The following RNMT variants were observed in gnomAD, a reference collection of about 807,000 sequenced individuals.
The protein encoded by RNMT is RNA guanine-7 methyltransferase.
A neutral mutation model predicts 56.0 loss-of-function variants in RNMT; 27 were observed. The ratio of observed to expected loss-of-function variants is 0.48; its 90% confidence interval spans 0.36 to 0.67. RNMT has a LOEUF of 0.67. Among genes scored for constraint, RNMT ranks in the 30% least tolerant of loss-of-function variants. RNMT has a pLI of 0.00. For missense variants in RNMT, 519 were observed against 552.1 expected (o/e 0.94, Z 0.60); for synonymous variants, 184 against 176.2 (o/e 1.04, Z -0.35).
intron 4 of RNMT, among the ~76,000 whole-genome samples, chr18:13,736,229 T>A (rs1015326474): frequency 6.6e-6 from 1 of 152,232 alleles, no homozygotes; most frequent in African/African-American, 2.4e-5. Flanking sequence ...AGGATATTTT[T>A]AGCCATCAAA....
intron 8 of RNMT, among the ~76,000 whole-genome samples, chr18:13,745,301 G>GGA (rs1376031577): frequency 3.3e-5 from 5 of 152,164 alleles, no homozygotes; most frequent in African/African-American, 1.2e-4. Context: ...ATTCATTGAG[G>GGA]GAGAGTAAGA....
intron 1 of RNMT, among the ~76,000 whole-genome samples, chr18:13,728,327 TTTTTGTGTGTGTGTGTG>T (rs2044005174): frequency 1.5e-4 from 1 of 6,752 alleles, no homozygotes; most frequent in East Asian, 5.2e-3. Context: ...TTTTTTTTTT[TTTTTGTGTGTGTGTGTG>T]TGTGTGTGTG....
chr18:13,742,543 A>C lies in RNMT; in HGVS notation c.1030A>C (p.Lys344Gln). Residue 344 changes from lysine (K) to glutamine (Q), a missense_variant, in exon 8 of 12, where the codon AAA becomes CAA. Transcript: ENST00000383314. ...ATTTGGAAATGAAATATATACTGTG[A>C]AATTTCAGAAGAAAGGAGATTATCC... is the stretch of plus-strand genomic sequence containing the variant. Reference protein sequence around the residue: ...ESFGNEIYTVKFQKKGDYPLF... With the variant: ...ESFGNEIYTVQFQKKGDYPLF... 1 of 1,613,632 alleles carries C rather than the reference A, an allele frequency of 6.2e-7. No homozygotes were observed. Among genetic ancestry groups the C allele is most frequent in the African/African-American group, 1.3e-5 (1 of 75,030 alleles).
At chr18:13,741,392 C>A in intron 6 of RNMT, 118 bp from the exon 7 acceptor site, 1 of 631,746 alleles carries the variant, frequency 1.6e-6, no homozygotes, top group Non-Finnish European at 2.7e-6. Context: ...CTTTATTGTA[C>A]AAGGGAAAGA....
At chr18:13,742,812 CA>C in intron 8 of RNMT, 160 bp downstream of exon 8, 1 of 547,424 alleles carries the variant, frequency 1.8e-6, no homozygotes, top group Non-Finnish European at 3.1e-6. Flanking sequence ...AAAAACAAAA[CA>C]AGACTAGCTT....
At chr18:13,728,374 C>T (rs943813816) in intron 1 of RNMT, among the ~76,000 whole-genome samples, 6 of 120,508 alleles carry the variant, frequency 5.0e-5, no homozygotes, top group Non-Finnish European at 6.3e-5. Flanking sequence ...CTTGCTCTGT[C>T]GCCCAGGCCG....
In RNMT at chr18:13,763,954, A is replaced by G. The variant is rs1240866509; in HGVS notation, c.*3975A>G. 1 of 152,314 alleles carries G rather than the reference A, an allele frequency of 6.6e-6. No homozygotes were observed. Among genetic ancestry groups the G allele is most frequent in the Non-Finnish European group, 1.5e-5 (1 of 68,108 alleles). The allele number at this position is 152,314 out of a possible 1,614,324, so 9.4% of individuals were successfully genotyped here. Reference sequence around the variant, plus strand: ...TTGAAAGAGGGGGTTAGAGAGAGCAAGACAGCACTTGAGTGCACTGGCAGG... The same window carrying G: ...TTGAAAGAGGGGGTTAGAGAGAGCAGGACAGCACTTGAGTGCACTGGCAGG... On this transcript the variant is annotated 3_prime_UTR_variant, in exon 12 of 12. Coordinates refer to ENST00000383314, the MANE Select transcript of RNMT (RefSeq NM_003799.3).
rs2044254307 is a variant in RNMT at position 13,741,692 on chromosome 18, G to A, written c.974+1G>A. On this transcript the variant is annotated splice_donor_variant, in intron 7 of 11. Coordinates refer to ENST00000383314, the MANE Select transcript of RNMT (RefSeq NM_003799.3). LOFTEE classifies it high-confidence loss of function. ...CTACTCCCAATAGCTTTGAATTGAT[G>A]TAAGTACTTCTAAATATATTGTGGT... The A allele has an allele frequency of 6.3e-7, 1 of 1,587,782 alleles. No homozygotes were observed.
intron 11 of RNMT, among the ~76,000 whole-genome samples, chr18:13,756,158 T>C (rs895478147): frequency 6.6e-6 from 1 of 152,218 alleles, no homozygotes; most frequent in South Asian, 2.1e-4. Context: ...CTCTAGAAGA[T>C]GGCTTTAAAT....
Position 13,730,662 on chromosome 18 carries a change from G to A in RNMT, c.-136G>A, listed in dbSNP as rs1281010562. On this transcript the variant is annotated 5_prime_UTR_variant, in exon 2 of 12. Coordinates refer to ENST00000383314, the MANE Select transcript of RNMT (RefSeq NM_003799.3). ...CCTATTGGGTACTGTACAACTTCAA[G>A]CCTCGAAATCAGATAGGCACCACCA... 6.6e-6 allele frequency: 1 copy of A among 152,176 alleles called. No homozygotes were observed. Among genetic ancestry groups the A allele is most frequent in the African/African-American group, 2.4e-5 (1 of 41,434 alleles). The allele number at this position is 152,176 out of a possible 1,614,324, so 9.4% of individuals were successfully genotyped here.
intron 1 of RNMT, among the ~76,000 whole-genome samples, chr18:13,727,859 G>A (rs2043988974): frequency 6.6e-6 from 1 of 152,134 alleles, no homozygotes; most frequent in South Asian, 2.1e-4. Flanking sequence ...GTCTTCATGT[G>A]CCTGGCTTAT....
intron 1 of RNMT, among the ~76,000 whole-genome samples, chr18:13,729,862 C>T (rs905037598): frequency 3.3e-5 from 5 of 151,372 alleles, no homozygotes; most frequent in East Asian, 1.9e-4. Context: ...TACAGTGGCA[C>T]AATCATGGCT....
intron 1 of RNMT, among the ~76,000 whole-genome samples, chr18:13,728,415 A>G (rs1454474823): frequency 2.1e-5 from 3 of 143,258 alleles, no homozygotes; most frequent in African/African-American, 7.9e-5. Flanking sequence ...AGCTCACTGC[A>G]ACCTCCACCT....
chr18:13,752,600 T>C (rs1326866882), intron 10 of RNMT, among the ~76,000 whole-genome samples, 173 bp downstream of exon 10: 1 of 152,220 alleles, frequency 6.6e-6, no homozygotes, highest in African/African-American at 2.4e-5. Flanking sequence ...TGGAATAAAA[T>C]TTATTTCAAT....
intron 3 of RNMT, among the ~76,000 whole-genome samples, chr18:13,733,896 C>G (rs1222974835): frequency 6.6e-6 from 1 of 152,066 alleles, no homozygotes. Context: ...AAATTTTAAA[C>G]CTAGAGATGT....
chr18:13,749,044 A>G (rs959817294), intron 9 of RNMT, among the ~76,000 whole-genome samples: 3 of 152,150 alleles, frequency 2.0e-5, no homozygotes, highest in African/African-American at 7.2e-5. Flanking sequence ...ACGCCACTGC[A>G]CTCCAGCCTG....
At chr18:13,729,143 G>C (rs1274553423) in intron 1 of RNMT, among the ~76,000 whole-genome samples, 2 of 152,112 alleles carry the variant, frequency 1.3e-5, no homozygotes, top group Admixed American at 6.5e-5. Context: ...TTTGATTTTT[G>C]CATATGGTGA....
chr18:13,753,909 A>G (rs1400231004), intron 10 of RNMT, among the ~76,000 whole-genome samples: 1 of 151,906 alleles, frequency 6.6e-6, no homozygotes, highest in African/African-American at 2.4e-5. Flanking sequence ...TGGCAGGAGG[A>G]TAAAAGTCTG....
chr18:13,746,727 C>T (rs894704382), intron 9 of RNMT, among the ~76,000 whole-genome samples: 2 of 152,146 alleles, frequency 1.3e-5, no homozygotes, highest in Non-Finnish European at 2.9e-5. Context: ...CCAGAAAACT[C>T]TCTCCAGACA....
Sources: gnomAD v4.1 joint callset for allele counts (sites outside exome capture counted in the v4.1 genomes callset) on GRCh38, gnomAD v4.1.1 for gene constraint, MANE v1.5 for transcripts, NCBI Gene and HGNC (gene_info 2026-07-23, HGNC 2026-07-21) for gene names.